The following TRPV5 variants were observed in gnomAD, a reference collection of about 807,000 sequenced individuals.
TRPV5 encodes transient receptor potential cation channel subfamily V member 5, also known as calcium transport protein 2.
In TRPV5, 66 loss-of-function variants were observed where a neutral mutation model predicts 74.1. That is an observed-to-expected ratio of 0.89 (90% CI 0.73 to 1.09). The LOEUF is 1.09. Among genes scored for constraint, TRPV5 ranks in the 50% least tolerant of loss-of-function variants. The pLI is 0.00. For missense variants in TRPV5, 936 were observed against 930.4 expected, an observed-to-expected ratio of 1.01 and a Z score of -0.08; for synonymous variants, 399 against 360.7, an observed-to-expected ratio of 1.11 and a Z score of -1.20.
At chr7:142,918,902 G>A (rs1174124586) in intron 8 of TRPV5, among the ~76,000 whole-genome samples, 4 of 152,202 alleles carry the variant, frequency 2.6e-5, no homozygotes, top group East Asian at 3.8e-4. Context: ...TAAAACCAGA[G>A]TACCAAACGG....
In TRPV5 at chr7:142,915,018, T is replaced by C. The variant is rs1795769261; in HGVS notation, c.1315A>G (p.Thr439Ala). The part of the protein sequence containing the change: ...IITYASLVLV[T>A]MVMRLTNTNG... Reference sequence around the variant, plus strand: ...GTGTTGGTGAGCCGCATCACCATGGTCACCAGCACCAGGGAGGCATAGGTG... The same window carrying C: ...GTGTTGGTGAGCCGCATCACCATGGCCACCAGCACCAGGGAGGCATAGGTG... The change falls in exon 11 of 15, where the codon ACC becomes GCC. Residue 439 changes from threonine (T) to alanine (A), a missense_variant. Physicochemically the swap from Thr to Ala is moderately conservative, Grantham distance 58 (BLOSUM62 0). Coordinates refer to ENST00000265310, the MANE Select transcript of TRPV5 (RefSeq NM_019841.7). 6.2e-7 allele frequency: 1 copy of C among 1,613,860 alleles called. No individual in the cohort carries two copies.
At chr7:142,928,307 G>A (rs1003249269) in intron 6 of TRPV5, 73 bp from the exon 7 acceptor site, 4 of 1,540,072 alleles carry the variant, frequency 2.6e-6, no homozygotes, top group Non-Finnish European at 3.6e-6. Flanking sequence ...TCCATTGGAT[G>A]GAGCCAGTTG....
chr7:142,915,357 G>T lies in TRPV5; in HGVS notation c.1236C>A (p.Ala412=). The part of the protein sequence containing the change: ...LEIPDIFRVG[A]SRYFGKTILG... ...GAATCGTCTTTCCAAAATAGCGAGA[G>T]GCACCAACCCTGAAGATGTCTGGAA... Residue 412 remains alanine (A), a synonymous_variant, in exon 10 of 15, where the codon GCC becomes GCA. Coordinates refer to ENST00000265310, the MANE Select transcript of TRPV5 (RefSeq NM_019841.7). 6.2e-7 allele frequency: 1 copy of T among 1,607,606 alleles called. No homozygotes were observed.
At chr7:142,910,847 T>C (rs557083334) in intron 13 of TRPV5, among the ~76,000 whole-genome samples, 3 of 152,152 alleles carry the variant, frequency 2.0e-5, no homozygotes, top group Admixed American at 6.5e-5. Context: ...CTCATCACTT[T>C]TAGTGCATTG....
chr7:142,924,361 C>CATAT (rs1795944816), intron 8 of TRPV5, among the ~76,000 whole-genome samples: 2 of 18,506 alleles, frequency 1.1e-4, no homozygotes, highest in African/African-American at 1.8e-4. Flanking sequence ...TAGACATATA[C>CATAT]ATGTATATAT....
chr7:142,909,970 G>A (rs1431919916), intron 13 of TRPV5, among the ~76,000 whole-genome samples: 1 of 152,192 alleles, frequency 6.6e-6, no homozygotes, highest in African/African-American at 2.4e-5. Context: ...GGGATGAATT[G>A]ATACTGTTAC....
chr7:142,922,776 GCTGC>G (rs1487467924), intron 8 of TRPV5, among the ~76,000 whole-genome samples: 1 of 152,182 alleles, frequency 6.6e-6, no homozygotes, highest in African/African-American at 2.4e-5. Context: ...TATAGTGCAT[GCTGC>G]TCTGCCTAAA....
rs140536668 is a variant in TRPV5, at chr7:142,908,575, C to G, written c.2129G>C (p.Gly710Ala). The G allele has an allele frequency of 1.9e-6, 3 of 1,614,192 alleles. No individual in the cohort carries two copies. Among genetic ancestry groups the G allele is most frequent in the Non-Finnish European group, 2.5e-6 (3 of 1,180,034 alleles). The change falls in exon 15 of 15, where the codon GGG (glycine) becomes GCG (alanine). Residue 710 changes from glycine (G) to alanine (A), a missense_variant. Coordinates refer to ENST00000265310, the MANE Select transcript of TRPV5 (RefSeq NM_019841.7). Reference protein sequence around the residue: ...GWEILRQNTLGHLNLGLNLSE... With the variant: ...GWEILRQNTLAHLNLGLNLSE... ...AAGGTTCAGTCCAAGATTCAAGTGC[C>G]CCAGGGTGTTTTGACGAAGGATCTC... is the stretch of plus-strand genomic sequence containing the variant.
chr7:142,924,929 C>T (rs1795958063), intron 8 of TRPV5: 1 of 157,318 alleles, frequency 6.4e-6, no homozygotes, highest in Admixed American at 6.1e-5. Flanking sequence ...TCTTCCTAAC[C>T]CTAGTTTTCC....
Position 142,929,908 on chromosome 7 carries a change from AC to A in TRPV5, c.349+149del, listed in dbSNP as rs1208320876. 4 of 1,270,078 alleles carry A rather than the reference AC, an allele frequency of 3.1e-6. No individual in the cohort carries two copies. In the South Asian group the frequency reaches 3.9e-5, roughly 12 times the overall value. 78.7% of individuals were successfully genotyped at this position (1,270,078 alleles called of 1,614,324 possible). A position where few individuals can be genotyped will look rare whatever the true frequency, so the allele number is the denominator to read the frequency against. Reference sequence around the variant, plus strand: ...CAGATTGGTAAAAGCCAAGACCAGGACCTTTGCATTTCTCCCAACTCAACGG... The same window carrying A: ...CAGATTGGTAAAAGCCAAGACCAGGACTTTGCATTTCTCCCAACTCAACGG... On this transcript the variant is annotated intron_variant, in intron 3 of 14. Coordinates refer to ENST00000265310, the MANE Select transcript of TRPV5 (RefSeq NM_019841.7).
At position 142,928,804 on chromosome 7, in the gene TRPV5, T is replaced by A. The variant is rs759566565; in HGVS notation, c.649A>T (p.Asn217Tyr). ...TGTCCATCATAGGACAGCAGCAGGT[T>A]GTACATCTGGCAGGCAAAGGTTTTG... ...PNKTFACQMY[N>Y]LLLSYDGHGD... The change falls in exon 6 of 15, where the codon AAC becomes TAC. Residue 217 changes from asparagine to tyrosine, a missense_variant. Coordinates refer to ENST00000265310, the MANE Select transcript of TRPV5 (RefSeq NM_019841.7). The A allele has an allele frequency of 1.2e-5, 20 of 1,614,158 alleles. No individual in the cohort carries two copies. The Admixed American group carries it at 1.5e-4, about 12-fold the overall frequency.
At chr7:142,912,130 C>T (rs1427938511) in intron 13 of TRPV5, among the ~76,000 whole-genome samples, 1 of 152,114 alleles carries the variant, frequency 6.6e-6, no homozygotes, top group Non-Finnish European at 1.5e-5. Flanking sequence ...AAGAAAAGAT[C>T]ATAGAGAAAC....
At chr7:142,920,857 C>A (rs1253116438) in intron 8 of TRPV5, among the ~76,000 whole-genome samples, 1 of 152,164 alleles carries the variant, frequency 6.6e-6, no homozygotes, top group African/African-American at 2.4e-5. Context: ...GTCTCAGGTC[C>A]CACCCAGCCT....
chr7:142,926,411 T>C (rs1795990350), intron 7 of TRPV5, among the ~76,000 whole-genome samples: 1 of 152,096 alleles, frequency 6.6e-6, no homozygotes, highest in South Asian at 2.1e-4. Flanking sequence ...AGGAGGCATC[T>C]GAGAAATTAG....
intron 1 of TRPV5, among the ~76,000 whole-genome samples, chr7:142,932,296 T>C (rs893434782): frequency 2.0e-5 from 3 of 152,116 alleles, no homozygotes; most frequent in African/African-American, 7.2e-5. Context: ...AAGCTCACTT[T>C]CTCAGAGACC....
chr7:142,909,816 G>A (rs1053821782), intron 13 of TRPV5, among the ~76,000 whole-genome samples: 1 of 152,182 alleles, frequency 6.6e-6, no homozygotes, highest in Non-Finnish European at 1.5e-5. Flanking sequence ...TGAGTGTTTT[G>A]AATAAAATAG....
chr7:142,932,060 G>A (rs1796105111), intron 1 of TRPV5, among the ~76,000 whole-genome samples: 1 of 152,184 alleles, frequency 6.6e-6, no homozygotes, highest in Admixed American at 6.5e-5. Context: ...GGTTTTACCT[G>A]TTAAGGCAGT....
rs771806386 is a variant in TRPV5, at chr7:142,915,335, T to C, written c.1258A>G (p.Ile420Val). ...ATGACATGGAATGGCCCCCCAAGAA[T>C]CGTCTTTCCAAAATAGCGAGAGGCA... ...VGASRYFGKT[I>V]LGGPFHVIII... The change falls in exon 10 of 15, where the codon ATT (isoleucine) becomes GTT (valine). Residue 420 changes from isoleucine to valine, a missense_variant. By Grantham distance (29) the Ile-to-Val change is conservative. Coordinates refer to ENST00000265310, the MANE Select transcript of TRPV5 (RefSeq NM_019841.7). The C allele has an allele frequency of 3.1e-6, 5 of 1,608,008 alleles. No individual in the cohort carries two copies. In the Admixed American group the frequency reaches 6.9e-5, roughly 22 times the overall value.
intron 1 of TRPV5, 28 bp downstream of exon 1, chr7:142,933,303 AG>A: frequency 6.2e-7 from 1 of 1,610,154 alleles, no homozygotes; most frequent in Non-Finnish European, 8.5e-7. Flanking sequence ...TCACGGCGGT[AG>A]GGCCACGGAT....
Sources: allele counts gnomAD v4.1 joint callset (sites outside exome capture counted in the v4.1 genomes callset), GRCh38; gene constraint gnomAD v4.1.1; transcripts MANE v1.5; gene names NCBI Gene and HGNC (gene_info 2026-07-23, HGNC 2026-07-21).